The following FGF12 variants were observed in gnomAD, a reference collection of about 807,000 sequenced individuals.
FGF12 encodes the protein fibroblast growth factor 12.
In FGF12, 14 loss-of-function variants were observed where a neutral mutation model predicts 23.6. That is an observed-to-expected ratio of 0.59 (90% CI 0.39 to 0.93). The LOEUF (loss-of-function observed/expected upper bound fraction) is 0.93. Among genes scored for constraint, FGF12 ranks in the 40% least tolerant of loss-of-function variants. FGF12 has a pLI of 0.00. For synonymous variants in FGF12, 62 were observed against 77.3 expected, an observed-to-expected ratio of 0.80 and a Z score of 1.04; for missense variants, 175 against 217.8, an observed-to-expected ratio of 0.80 and a Z score of 1.24.
intron 4 of FGF12, among the ~76,000 whole-genome samples, chr3:192,257,891 G>A (rs932348317): frequency 6.6e-6 from 1 of 151,944 alleles, no homozygotes; most frequent in African/African-American, 2.4e-5. Flanking sequence ...TTCTGAGAGG[G>A]CTTGACTTCT....
chr3:192,504,827 G>T (rs1724246990), intron 2 of FGF12, among the ~76,000 whole-genome samples: 1 of 152,044 alleles, frequency 6.6e-6, no homozygotes, highest in Admixed American at 6.6e-5. Context: ...ATTTAGTTTT[G>T]GGAGAAAGGT....
chr3:192,674,597 A>T (rs1302361351), intron 2 of FGF12, among the ~76,000 whole-genome samples: 1 of 152,194 alleles, frequency 6.6e-6, no homozygotes, highest in Non-Finnish European at 1.5e-5. Context: ...TGTAAAAAAA[A>T]GTTTTTAATT....
At chr3:192,331,713 T>G (rs866043466) in intron 4 of FGF12, among the ~76,000 whole-genome samples, 1 of 152,212 alleles carries the variant, frequency 6.6e-6, no homozygotes. Context: ...AAGAGAGCTA[T>G]TGTTCAATGG....
intron 4 of FGF12, among the ~76,000 whole-genome samples, chr3:192,184,964 C>A (rs1308302534): frequency 6.6e-6 from 1 of 152,218 alleles, no homozygotes; most frequent in East Asian, 1.9e-4. Context: ...TATCTTATCA[C>A]TTCTCACAGA....
chr3:192,206,998 A>G (rs1174056693), intron 4 of FGF12, among the ~76,000 whole-genome samples: 1 of 152,194 alleles, frequency 6.6e-6, no homozygotes, highest in African/African-American at 2.4e-5. Context: ...ATTAGACATC[A>G]GTCGTGGTGC....
At position 192,619,794 on chromosome 3, in the gene FGF12, G is replaced by C. The variant is rs148234848; in HGVS notation, c.13+107387C>G. ...AAAAAATAATTAGGAATACTTGTTA[G>C]ACCTATGTTTTCTTTTGTCATATCT... On this transcript the variant is annotated intron_variant, in intron 2 of 5. Coordinates refer to ENST00000445105, the MANE Select transcript of FGF12 (RefSeq NM_004113.6). Among the ~76,000 whole-genome samples, 514 of 152,210 alleles carry C rather than the reference G, an allele frequency of 3.4e-3. 3 individuals are homozygous for C. The highest frequency in any genetic ancestry group is 5.0e-3 in the Non-Finnish European group (338 of 68,016).
intron 4 of FGF12, among the ~76,000 whole-genome samples, chr3:192,266,527 T>TA (rs1358986487): frequency 2.0e-5 from 3 of 152,170 alleles, no homozygotes; most frequent in Admixed American, 2.0e-4. Flanking sequence ...GTCTAATTTA[T>TA]ATCTTGCTAT....
rs551785451 is a variant in FGF12, at chr3:192,408,051, C to T, written c.14-47513G>A. Reference sequence around the variant, plus strand: ...TGGTCTCCGCCTCACCGGCCTCTTGCGGCCGCTGCAGAAGCGCACTTTGCT... The same window carrying T: ...TGGTCTCCGCCTCACCGGCCTCTTGTGGCCGCTGCAGAAGCGCACTTTGCT... On this transcript the variant is annotated intron_variant, in intron 2 of 5. Coordinates refer to ENST00000445105, the MANE Select transcript of FGF12 (RefSeq NM_004113.6). This position sits in a 1 kb window ranked among gnomAD's most constrained non-coding sequence, Gnocchi z 7.3. The T allele has an allele frequency of 2.5e-6, 4 of 1,611,866 alleles. No individual in the cohort carries two copies. The highest frequency in any genetic ancestry group is 2.2e-5 in the East Asian group (1 of 44,846).
chr3:192,300,866 A>C (rs1232141852), intron 4 of FGF12, among the ~76,000 whole-genome samples: 1 of 151,946 alleles, frequency 6.6e-6, no homozygotes, highest in Non-Finnish European at 1.5e-5. Flanking sequence ...AGAAATACAA[A>C]AATTAGTTGG....
intron 2 of FGF12, among the ~76,000 whole-genome samples, chr3:192,369,311 TC>T (rs2108741740): frequency 6.6e-6 from 1 of 151,092 alleles, no homozygotes; most frequent in African/African-American, 2.4e-5. Context: ...GCCTCTGGCC[TC>T]TAATGCGTTT....
intron 4 of FGF12, among the ~76,000 whole-genome samples, chr3:192,180,320 A>G (rs1560181252): frequency 6.6e-6 from 1 of 152,200 alleles, no homozygotes; most frequent in Non-Finnish European, 1.5e-5. Context: ...ACAATTCACT[A>G]TTATCATCAA....
At chr3:192,158,425 T>TTCTTTCTTTCTCTTTTTC (rs1560171683) in intron 5 of FGF12, among the ~76,000 whole-genome samples, 39 of 134,334 alleles carry the variant, frequency 2.9e-4, no homozygotes, top group South Asian at 2.2e-3. Context: ...CTCTTTCTTT[T>TTCTTTCTTTCTCTTTTTC]TCTTTTTTCT....
chr3:192,274,687 A>C (rs1713669738), intron 4 of FGF12, among the ~76,000 whole-genome samples: 1 of 152,212 alleles, frequency 6.6e-6, no homozygotes, highest in Admixed American at 6.5e-5. Flanking sequence ...TAATATGTGA[A>C]TACTTTAAGG....
At chr3:192,282,179 T>C (rs756727170) in intron 4 of FGF12, among the ~76,000 whole-genome samples, 1 of 152,188 alleles carries the variant, frequency 6.6e-6, no homozygotes, top group Non-Finnish European at 1.5e-5. Context: ...ATTAATTCCT[T>C]AGAATGCAAG....
chr3:192,299,663 C>T (rs1165391640), intron 4 of FGF12, among the ~76,000 whole-genome samples: 1 of 152,136 alleles, frequency 6.6e-6, no homozygotes, highest in Admixed American at 6.5e-5. Flanking sequence ...AATGTCTTAA[C>T]AGTGCTGATA....
chr3:192,319,712 T>C (rs1716429786), intron 4 of FGF12, among the ~76,000 whole-genome samples: 1 of 152,138 alleles, frequency 6.6e-6, no homozygotes, highest in Admixed American at 6.5e-5. Flanking sequence ...GAATCTAACA[T>C]GTAGAGTTTT....
intron 5 of FGF12, among the ~76,000 whole-genome samples, chr3:192,148,285 A>C (rs908912938): frequency 6.6e-6 from 1 of 152,242 alleles, no homozygotes; most frequent in Non-Finnish European, 1.5e-5. Flanking sequence ...AGCCTAAAAA[A>C]CAAAATTCTG....
intron 4 of FGF12, among the ~76,000 whole-genome samples, chr3:192,235,181 T>C (rs972694444): frequency 2.0e-5 from 3 of 152,176 alleles, no homozygotes; most frequent in African/African-American, 7.2e-5. Context: ...AGGGTATTTT[T>C]TAGTTTGTAT....
At chr3:192,304,943 C>G (rs1432457923) in intron 4 of FGF12, among the ~76,000 whole-genome samples, 1 of 151,906 alleles carries the variant, frequency 6.6e-6, no homozygotes, top group Non-Finnish European at 1.5e-5. Flanking sequence ...ACTTTGTACA[C>G]AGTAGTACAT....
Sources: allele counts gnomAD v4.1 joint callset (sites outside exome capture counted in the v4.1 genomes callset), GRCh38; gene constraint gnomAD v4.1.1; non-coding constraint Gnocchi (gnomAD v3.1); transcripts MANE v1.5; gene names NCBI Gene and HGNC (gene_info 2026-07-23, HGNC 2026-07-21).